TSPAN12: variants seen among roughly 807,000 people sequenced by gnomAD.
TSPAN12 encodes tetraspanin-12.
A neutral mutation model predicts 39.2 loss-of-function variants in TSPAN12; 19 were observed. The ratio of observed to expected loss-of-function variants is 0.49; its 90% CI spans 0.34 to 0.71. TSPAN12 has a LOEUF of 0.71. TSPAN12 is among the 30% of genes least tolerant of loss of function. The pLI, the probability that TSPAN12 is intolerant of heterozygous loss-of-function variation, is 0.01. For synonymous variants in TSPAN12, 119 were observed against 124.8 expected (o/e 0.95, Z 0.31); for missense variants, 314 against 359.9 (o/e 0.87, Z 1.03).
At chr7:120,801,581 T>C (rs1357489137) in intron 7 of TSPAN12, among the ~76,000 whole-genome samples, 1 of 152,194 alleles carries the variant, frequency 6.6e-6, no homozygotes, top group African/African-American at 2.4e-5. Context: ...TAGTCTTTCT[T>C]CTAACTACTA....
intron 2 of TSPAN12, among the ~76,000 whole-genome samples, chr7:120,841,444 G>A (rs928958835): frequency 1.3e-5 from 2 of 151,892 alleles, no homozygotes; most frequent in Non-Finnish European, 2.9e-5. Flanking sequence ...AAGGAGAGAA[G>A]GAGAAACTCT....
chr7:120,791,284 G>A (rs754930348), intron 7 of TSPAN12, among the ~76,000 whole-genome samples: 4 of 151,632 alleles, frequency 2.6e-5, no homozygotes, highest in Non-Finnish European at 5.9e-5. Flanking sequence ...AGCTGAGATC[G>A]CCCCACTGGA....
rs909864414 is a variant in TSPAN12 at position 120,798,872 on chromosome 7, T to C, written c.612+7677A>G. Among the ~76,000 whole-genome samples the C allele has an allele frequency of 3.5e-5, 5 of 144,168 alleles. No homozygotes were observed. The South Asian group carries it at 1.0e-3, about 30-fold the overall frequency. 94.6% of individuals were successfully genotyped at this position (144,168 alleles called of 152,430 possible). On this transcript the variant is annotated intron_variant, in intron 7 of 7. Coordinates refer to ENST00000222747, the MANE Select transcript of TSPAN12 (RefSeq NM_012338.4). ...TCTGCACGTGGCTTACAGCTACTTATTCTTTAAGATTAGAAGCCCAAAGAG... is the reference window on the plus strand; with the variant it reads ...TCTGCACGTGGCTTACAGCTACTTACTCTTTAAGATTAGAAGCCCAAAGAG...
intron 4 of TSPAN12, among the ~76,000 whole-genome samples, chr7:120,835,275 G>A (rs983410161): frequency 1.1e-4 from 17 of 152,280 alleles, no homozygotes; most frequent in African/African-American, 3.4e-4. Flanking sequence ...CAGGAACGCC[G>A]AGGTCTGAAT....
chr7:120,843,838 C>T, intron 2 of TSPAN12, among the ~76,000 whole-genome samples: 1 of 152,168 alleles, frequency 6.6e-6, no homozygotes, highest in East Asian at 1.9e-4. Context: ...ACATGTTCTC[C>T]CTCTACTTGG....
At chr7:120,849,982 C>A (rs1158371942) in intron 2 of TSPAN12, among the ~76,000 whole-genome samples, 1 of 152,184 alleles carries the variant, frequency 6.6e-6, no homozygotes, top group African/African-American at 2.4e-5. Flanking sequence ...TTTCATGTTG[C>A]CAGGCCTGCT....
chr7:120,815,873 T>A, intron 4 of TSPAN12, 70 bp from the exon 5 acceptor site: 3 of 1,393,484 alleles, frequency 2.2e-6, no homozygotes, highest in Non-Finnish European at 3.0e-6. Context: ...ACAGACTTGG[T>A]ATTATGTTTA....
rs879631766 is a variant in TSPAN12, at chr7:120,857,371, C to CGGGGCG, written c.-71+443_-71+448dup. ...GTGTGAATGCAAGGGACTGGGGCGGCGGGGCGGGGGCGGGGGCGGGGGCGA... is the reference window on the plus strand; with the variant it reads ...GTGTGAATGCAAGGGACTGGGGCGGCGGGGCGGGGGCGGGGGCGGGGGCGGGGGCGA... On this transcript the variant is annotated intron_variant, in intron 1 of 7. Coordinates refer to ENST00000222747, the MANE Select transcript of TSPAN12 (RefSeq NM_012338.4). The CGGGGCG allele has an allele frequency of 8.4e-3, 1,303 of 154,812 alleles. 21 individuals carry two copies. Among genetic ancestry groups the CGGGGCG allele is most frequent in the African/African-American group, 0.027 (1,109 of 41,142 alleles). 9.6% of individuals were successfully genotyped at this position (154,812 alleles called of 1,614,324 possible).
intron 4 of TSPAN12, among the ~76,000 whole-genome samples, chr7:120,826,242 T>C (rs1214948246): frequency 1.3e-5 from 2 of 152,184 alleles, no homozygotes; most frequent in African/African-American, 4.8e-5. Context: ...CATGTGATGT[T>C]CAAACTACTA....
chr7:120,845,561 G>A (rs970883667), intron 2 of TSPAN12, among the ~76,000 whole-genome samples: 9 of 152,164 alleles, frequency 5.9e-5, no homozygotes, highest in Non-Finnish European at 1.3e-4. Context: ...TGTTCTGCCA[G>A]ATTACCCTAA....
chr7:120,827,038 T>C (rs1479187023), intron 4 of TSPAN12, among the ~76,000 whole-genome samples: 1 of 152,216 alleles, frequency 6.6e-6, no homozygotes, highest in Admixed American at 6.5e-5. Context: ...TCAGCATCTT[T>C]ATGAAAACAC....
chr7:120,832,107 A>G (rs1794401002), intron 4 of TSPAN12, among the ~76,000 whole-genome samples: 1 of 152,080 alleles, frequency 6.6e-6, no homozygotes, highest in Non-Finnish European at 1.5e-5. Flanking sequence ...AAACATTACT[A>G]TCATGTAATG....
At chr7:120,839,704 C>T (rs117240828) in intron 3 of TSPAN12, among the ~76,000 whole-genome samples, 31 of 152,194 alleles carry the variant, frequency 2.0e-4, no homozygotes, top group East Asian at 1.9e-3. Flanking sequence ...AGGAAGCTGA[C>T]GGTAATTTTC....
At chr7:120,845,599 C>T (rs1584952192) in intron 2 of TSPAN12, among the ~76,000 whole-genome samples, 1 of 152,198 alleles carries the variant, frequency 6.6e-6, no homozygotes, top group East Asian at 1.9e-4. Context: ...CAAAGTTCCA[C>T]AGATACCTAA....
At chr7:120,805,511 C>T (rs1272259028) in intron 7 of TSPAN12, among the ~76,000 whole-genome samples, 5 of 152,078 alleles carry the variant, frequency 3.3e-5, no homozygotes, top group African/African-American at 9.7e-5. Context: ...ACTATATATA[C>T]ATGAGTTATA....
chr7:120,845,963 G>A (rs1794661149), intron 2 of TSPAN12, among the ~76,000 whole-genome samples: 1 of 152,162 alleles, frequency 6.6e-6, no homozygotes, highest in Non-Finnish European at 1.5e-5. Context: ...CTGAAACTGG[G>A]TAATTTATAA....
intron 2 of TSPAN12, among the ~76,000 whole-genome samples, chr7:120,847,308 C>T (rs76568611): frequency 0.014 from 2,142 of 151,424 alleles, 25 homozygotes; most frequent in Middle Eastern, 0.028. Flanking sequence ...TCACTTTAGA[C>T]TTAAGGGTTT....
intron 6 of TSPAN12, 114 bp downstream of exon 6, chr7:120,810,349 C>T: frequency 1.4e-6 from 1 of 740,334 alleles, no homozygotes; most frequent in Non-Finnish European, 2.4e-6. Context: ...GTTACTGAAT[C>T]ACAGGCTTAA....
chr7:120,819,301 CG>C (rs1794143966), intron 4 of TSPAN12, among the ~76,000 whole-genome samples: 1 of 152,146 alleles, frequency 6.6e-6, no homozygotes, highest in African/African-American at 2.4e-5. Flanking sequence ...CCTTTTAAAT[CG>C]TACTTGAATA....
Sources: gnomAD v4.1 joint callset for allele counts (sites outside exome capture counted in the v4.1 genomes callset) on GRCh38, gnomAD v4.1.1 for gene constraint, MANE v1.5 for transcripts, NCBI Gene and HGNC (gene_info 2026-07-23, HGNC 2026-07-21) for gene names.